Variants in EDIL3 observed in about 807,000 individuals in gnomAD.
EDIL3 encodes EGF-like repeat and discoidin I-like domain-containing protein 3.
A neutral mutation model predicts 67.4 loss-of-function variants in EDIL3; 37 were observed. The observed-to-expected ratio is 0.55, with a 90% confidence interval of 0.42 to 0.72. The LOEUF is 0.72. Among genes scored for constraint, EDIL3 ranks in the 30% least tolerant of loss-of-function variants. The pLI is 0.00. For synonymous variants in EDIL3, 195 were observed against 196.3 expected (o/e 0.99, Z 0.05); for missense variants, 527 against 586.3 (o/e 0.90, Z 1.04).
chr5:84,310,790 T>C (rs576064947), intron 1 of EDIL3, among the ~76,000 whole-genome samples: 84 of 152,288 alleles, frequency 5.5e-4, no homozygotes, highest in African/African-American at 1.9e-3. Context: ...TGGAGCTCCA[T>C]GTGTACATAT....
chr5:83,999,019 C>T (rs1182231876), intron 9 of EDIL3, among the ~76,000 whole-genome samples: 1 of 152,088 alleles, frequency 6.6e-6, no homozygotes, highest in South Asian at 2.1e-4. Flanking sequence ...TGGATCTCAT[C>T]CAGGACCATC....
chr5:84,133,464 C>CAAAAAAAAAAAAAAAAA (rs5869210), intron 5 of EDIL3, among the ~76,000 whole-genome samples: 2 of 86,538 alleles, frequency 2.3e-5, no homozygotes, highest in Non-Finnish European at 2.2e-5. Flanking sequence ...ACTAAAAATA[C>CAAAAAAAAAAAAAAAAA]AAAAAAAAAA....
rs1242279439 is a variant in EDIL3 at position 84,092,769 on chromosome 5, A to T, written c.651+13880T>A. ...TAAAAATGTGCAAGAAGCTAAATCA[A>T]ACATTTATTCTTTTAACATTTGAGG... On this transcript the variant is annotated intron_variant, in intron 6 of 10. Coordinates refer to ENST00000296591, the MANE Select transcript of EDIL3 (RefSeq NM_005711.5). Among the ~76,000 whole-genome samples the T allele has an allele frequency of 2.0e-5, 3 of 148,156 alleles. No individual in the cohort carries two copies. The Admixed American group carries it at 2.1e-4, about 10-fold the overall frequency.
chr5:84,093,086 A>G (rs1747195479), intron 6 of EDIL3, among the ~76,000 whole-genome samples: 1 of 152,202 alleles, frequency 6.6e-6, no homozygotes, highest in Non-Finnish European at 1.5e-5. Context: ...TTAAAATGTG[A>G]ATCTATAACA....
intron 9 of EDIL3, among the ~76,000 whole-genome samples, chr5:84,050,601 G>T (rs938629029): frequency 1.3e-5 from 2 of 152,154 alleles, no homozygotes; most frequent in Non-Finnish European, 2.9e-5. Context: ...TGGAAAATCC[G>T]GTCACTCCCA....
intron 9 of EDIL3, among the ~76,000 whole-genome samples, chr5:84,058,970 TA>T (rs111852755): frequency 0.055 from 8,403 of 152,252 alleles, 776 homozygotes; most frequent in African/African-American, 0.19. Context: ...AGACTTACAT[TA>T]TTACCTATAG....
At chr5:84,336,893 A>G (rs1290217683) in intron 1 of EDIL3, among the ~76,000 whole-genome samples, 1 of 152,086 alleles carries the variant, frequency 6.6e-6, no homozygotes, top group African/African-American at 2.4e-5. Flanking sequence ...AAAAGGAAAA[A>G]GCTTTGAAAG....
chr5:84,031,151 A>G (rs1745912825), intron 9 of EDIL3, among the ~76,000 whole-genome samples: 1 of 152,112 alleles, frequency 6.6e-6, no homozygotes, highest in Non-Finnish European at 1.5e-5. Context: ...ATTTTACCCC[A>G]ATTACCTATT....
At chr5:84,216,101 C>T (rs1744220178) in intron 3 of EDIL3, among the ~76,000 whole-genome samples, 1 of 152,036 alleles carries the variant, frequency 6.6e-6, no homozygotes, top group African/African-American at 2.4e-5. Context: ...TTAAATGAAG[C>T]TAAAAAGACC....
chr5:83,976,812 T>G (rs780712420), intron 9 of EDIL3, among the ~76,000 whole-genome samples: 66 of 151,754 alleles, frequency 4.3e-4, no homozygotes, highest in Non-Finnish European at 9.0e-4. Flanking sequence ...ATAATAATAT[T>G]TAGTCTTGTC....
At chr5:84,155,459 G>C (rs1299842963) in intron 4 of EDIL3, among the ~76,000 whole-genome samples, 3 of 152,026 alleles carry the variant, frequency 2.0e-5, no homozygotes, top group African/African-American at 7.2e-5. Context: ...CATTGTGTTG[G>C]TATGCATTAA....
chr5:84,028,737 A>T (rs895792165), intron 9 of EDIL3, among the ~76,000 whole-genome samples: 6 of 152,152 alleles, frequency 3.9e-5, no homozygotes, highest in African/African-American at 4.8e-5. Flanking sequence ...ATTCATGTAA[A>T]CACGGAGTCT....
intron 1 of EDIL3, among the ~76,000 whole-genome samples, chr5:84,339,853 T>C (rs12521127): frequency 0.37 from 55,873 of 151,878 alleles, 11,712 homozygotes; most frequent in Middle Eastern, 0.51. Flanking sequence ...GACACTTTCT[T>C]AAGTAGCCTT....
chr5:84,363,461 A>AG (rs895059196), intron 1 of EDIL3, among the ~76,000 whole-genome samples: 1 of 152,114 alleles, frequency 6.6e-6, no homozygotes, highest in African/African-American at 2.4e-5. Context: ...AAAAAAAAAA[A>AG]AGAGCTAATT....
intron 6 of EDIL3, among the ~76,000 whole-genome samples, chr5:84,068,709 T>G (rs751258864): frequency 6.6e-6 from 1 of 152,114 alleles, no homozygotes; most frequent in Admixed American, 6.6e-5. Context: ...ATGAAAAAAT[T>G]TATAAAAATA....
intron 1 of EDIL3, among the ~76,000 whole-genome samples, chr5:84,305,883 GTAAA>G (rs769566499): frequency 0.018 from 2,494 of 138,736 alleles, 64 homozygotes; most frequent in African/African-American, 0.053. Context: ...GGTCTTAAAA[GTAAA>G]TAAATAAATA....
At chr5:84,335,350 C>A (rs1746963958) in intron 1 of EDIL3, among the ~76,000 whole-genome samples, 1 of 152,178 alleles carries the variant, frequency 6.6e-6, no homozygotes. Flanking sequence ...CCTCTTCCTG[C>A]TCTCTTATCA....
At chr5:84,080,383 A>G (rs1315191682) in intron 6 of EDIL3, among the ~76,000 whole-genome samples, 1 of 151,536 alleles carries the variant, frequency 6.6e-6, no homozygotes, top group Non-Finnish European at 1.5e-5. Flanking sequence ...CCAAATCAGC[A>G]ACAACCTGAG....
chr5:84,227,241 A>T (rs1580386683), intron 3 of EDIL3, among the ~76,000 whole-genome samples: 2 of 152,148 alleles, frequency 1.3e-5, no homozygotes, highest in East Asian at 3.9e-4. Context: ...ATCAACAAGG[A>T]AAAAAACAAC....
Sources: gnomAD v4.1 joint callset for allele counts (sites outside exome capture counted in the v4.1 genomes callset) on GRCh38, gnomAD v4.1.1 for gene constraint, MANE v1.5 for transcripts, NCBI Gene and HGNC (gene_info 2026-07-23, HGNC 2026-07-21) for gene names.